The following NBEA variants were observed in gnomAD, a reference collection of about 807,000 sequenced individuals.
NBEA encodes the protein lysosomal-trafficking regulator 2.
NBEA carries 44 observed loss-of-function variants against 343.4 expected under a neutral mutation model. The ratio of observed to expected loss-of-function variants is 0.13; its 90% CI spans 0.10 to 0.16. The LOEUF is 0.16. Ranked by LOEUF, NBEA falls within the 10% of genes least tolerant of loss-of-function variation. NBEA has a pLI of 1.00. For missense variants in NBEA, 2,555 were observed against 3,631.3 expected (o/e 0.70, Z 7.62); for synonymous variants, 1,175 against 1,238.7 (o/e 0.95, Z 1.08).
chr13:35,284,505 G>T (rs2035289009), intron 34 of NBEA, among the ~76,000 whole-genome samples: 1 of 152,032 alleles, frequency 6.6e-6, no homozygotes, highest in South Asian at 2.1e-4. Context: ...TTGTAATACA[G>T]TTTTAAAATA....
At chr13:35,416,408 A>C (rs1056911664) in intron 38 of NBEA, among the ~76,000 whole-genome samples, 1 of 152,132 alleles carries the variant, frequency 6.6e-6, no homozygotes, top group African/African-American at 2.4e-5. Context: ...TCTAATTTTG[A>C]GACACGTCCC....
intron 11 of NBEA, among the ~76,000 whole-genome samples, chr13:35,103,841 TTA>T (rs1247575838): frequency 6.6e-6 from 1 of 151,852 alleles, no homozygotes; most frequent in Non-Finnish European, 1.5e-5. Context: ...CCAGAATCAA[TTA>T]CTACTTCCTC....
At chr13:35,007,172 T>C (rs1483534062) in intron 1 of NBEA, among the ~76,000 whole-genome samples, 1 of 152,174 alleles carries the variant, frequency 6.6e-6, no homozygotes, top group Non-Finnish European at 1.5e-5. Context: ...TGAAAATTTG[T>C]TTGTAATTCT....
intron 38 of NBEA, among the ~76,000 whole-genome samples, chr13:35,388,978 AT>A (rs945815870): frequency 3.3e-5 from 5 of 149,502 alleles, no homozygotes; most frequent in African/African-American, 4.9e-5. Context: ...CGAAGAGTAG[AT>A]TTTTTTGCTA....
At chr13:35,339,710 G>A (rs148987605) in intron 36 of NBEA, among the ~76,000 whole-genome samples, 117 of 152,178 alleles carry the variant, frequency 7.7e-4, no homozygotes, top group African/African-American at 2.7e-3. Flanking sequence ...GTGGGGGCAG[G>A]CATGTCTTAC....
At chr13:35,077,148 C>G (rs907022635) in intron 10 of NBEA, among the ~76,000 whole-genome samples, 1 of 152,078 alleles carries the variant, frequency 6.6e-6, no homozygotes, top group Non-Finnish European at 1.5e-5. Context: ...TAAGGAGATT[C>G]TAGCTAACTT....
chr13:35,297,818 GTTAT>G (rs1164575169), intron 35 of NBEA, among the ~76,000 whole-genome samples: 1 of 151,748 alleles, frequency 6.6e-6, no homozygotes, highest in Non-Finnish European at 1.5e-5. Context: ...AAGGTGATTT[GTTAT>G]TTATTTTTAT....
intron 18 of NBEA, among the ~76,000 whole-genome samples, chr13:35,147,099 T>G (rs1041892093): frequency 6.6e-6 from 1 of 152,206 alleles, no homozygotes; most frequent in East Asian, 1.9e-4. Context: ...CATTTTTTCA[T>G]TCCCTTCACT....
At chr13:35,471,295 G>C (rs2075636849) in intron 40 of NBEA, among the ~76,000 whole-genome samples, 1 of 152,182 alleles carries the variant, frequency 6.6e-6, no homozygotes, top group Admixed American at 6.5e-5. Context: ...GCCGAGGGCG[G>C]TGTCGGCGCG....
At chr13:35,326,214 G>A (rs892733395) in intron 36 of NBEA, among the ~76,000 whole-genome samples, 6 of 152,208 alleles carry the variant, frequency 3.9e-5, no homozygotes, top group Admixed American at 1.3e-4. Context: ...GATAGGAATA[G>A]TGTTGAATCT....
At chr13:35,179,117 A>G (rs916675779) in intron 28 of NBEA, among the ~76,000 whole-genome samples, 2 of 151,628 alleles carry the variant, frequency 1.3e-5, no homozygotes, top group East Asian at 1.9e-4. Context: ...CAGTGGTTGT[A>G]TCTGTGAAAT....
At chr13:34,979,412 TG>T in intron 1 of NBEA, among the ~76,000 whole-genome samples, 1 of 151,826 alleles carries the variant, frequency 6.6e-6, no homozygotes, top group East Asian at 1.9e-4. Context: ...CCCAGTTGCT[TG>T]GGAGGCTGAA....
rs187095745 is a variant in NBEA at position 35,411,964 on chromosome 13, T to C, written c.6180-20305T>C. On this transcript the variant is annotated intron_variant, in intron 38 of 58. Transcript: ENST00000379939. ...TTACCATAAATTTGGTACTTGTTCT[T>C]AGTTCAGTTGTAGCAGCACTTAACG... Among the ~76,000 whole-genome samples the C allele has an allele frequency of 1.4e-3, 211 of 152,278 alleles. 1 individual carries two copies. Among genetic ancestry groups the C allele is most frequent in the African/African-American group, 4.7e-3 (195 of 41,562 alleles).
chr13:35,527,068 G>A (rs1025273569), intron 41 of NBEA, among the ~76,000 whole-genome samples: 1 of 151,984 alleles, frequency 6.6e-6, no homozygotes, highest in African/African-American at 2.4e-5. Context: ...CCCACAACAT[G>A]GCAAGCAGGG....
chr13:35,439,786 C>G (rs11147569), intron 39 of NBEA, among the ~76,000 whole-genome samples: 46,492 of 152,134 alleles, frequency 0.31, 8,550 homozygotes, highest in African/African-American at 0.51. Flanking sequence ...ATCAGATCTT[C>G]TATCAGTTCT....
intron 38 of NBEA, among the ~76,000 whole-genome samples, chr13:35,363,566 T>C (rs999823110): frequency 6.6e-6 from 1 of 151,840 alleles, no homozygotes; most frequent in Non-Finnish European, 1.5e-5. Context: ...TTCTTATATC[T>C]TTTGAGAAGA....
intron 17 of NBEA, among the ~76,000 whole-genome samples, chr13:35,134,067 G>A (rs1304815657): frequency 6.6e-6 from 1 of 151,996 alleles, no homozygotes; most frequent in African/African-American, 2.4e-5. Context: ...AAGAGAATGT[G>A]GAAGGACATT....
At chr13:35,240,965 T>A (rs1332943689) in intron 34 of NBEA, among the ~76,000 whole-genome samples, 1 of 151,814 alleles carries the variant, frequency 6.6e-6, no homozygotes, top group Non-Finnish European at 1.5e-5. Context: ...GGAGAAGATA[T>A]AAAAATTCTT....
chr13:35,462,773 G>C (rs1456407312), intron 40 of NBEA, among the ~76,000 whole-genome samples: 3 of 152,084 alleles, frequency 2.0e-5, no homozygotes, highest in African/African-American at 7.2e-5. Flanking sequence ...AGGAGAATGG[G>C]ACAGCTACCA....
Sources: allele counts gnomAD v4.1 joint callset (sites outside exome capture counted in the v4.1 genomes callset), GRCh38; gene constraint gnomAD v4.1.1; transcripts MANE v1.5; gene names NCBI Gene and HGNC (gene_info 2026-07-23, HGNC 2026-07-21).